The following PTPRJ variants were observed in gnomAD, a reference collection of about 807,000 sequenced individuals.
PTPRJ encodes the protein protein tyrosine phosphatase receptor type J.
Under a neutral mutation model 141.3 loss-of-function variants are expected in PTPRJ, and 129 were observed. The observed-to-expected ratio is 0.91, with a 90% CI of 0.79 to 1.06. The LOEUF (loss-of-function observed/expected upper bound fraction) is 1.06. Among genes scored for constraint, PTPRJ ranks in the 50% least tolerant of loss-of-function variants. The pLI, the probability that PTPRJ is intolerant of heterozygous loss-of-function variation, is 0.00. For missense variants in PTPRJ, 1,601 were observed against 1,679.7 expected (o/e 0.95, Z 0.82); for synonymous variants, 610 against 640.5 (o/e 0.95, Z 0.72).
intron 1 of PTPRJ, among the ~76,000 whole-genome samples, chr11:48,004,864 A>G (rs187468385): frequency 6.6e-6 from 1 of 152,264 alleles, no homozygotes; most frequent in East Asian, 1.9e-4. Flanking sequence ...TTTGATGGCA[A>G]TATAAAAATA....
chr11:48,095,705 C>T (rs1340110091), intron 1 of PTPRJ, among the ~76,000 whole-genome samples: 5 of 151,914 alleles, frequency 3.3e-5, no homozygotes, highest in African/African-American at 1.2e-4. Flanking sequence ...CTCAGCCTCC[C>T]TCGTAGCTGG....
intron 1 of PTPRJ, among the ~76,000 whole-genome samples, chr11:48,011,356 G>A (rs1435397259): frequency 6.6e-6 from 1 of 152,148 alleles, no homozygotes; most frequent in East Asian, 1.9e-4. Flanking sequence ...AGGTGGCCTG[G>A]GTTCTGTTTC....
chr11:48,075,575 G>T (rs1855377693), intron 1 of PTPRJ, among the ~76,000 whole-genome samples: 1 of 152,014 alleles, frequency 6.6e-6, no homozygotes, highest in African/African-American at 2.4e-5. Context: ...GTGCCACCAT[G>T]CCTGGCTAAT....
At chr11:48,049,940 TA>T in intron 1 of PTPRJ, among the ~76,000 whole-genome samples, 1 of 152,276 alleles carries the variant, frequency 6.6e-6, no homozygotes, top group East Asian at 1.9e-4. Context: ...GGAAAAATCA[TA>T]GTCTTAGATT....
chr11:48,167,439 GT>G lies in PTPRJ; in HGVS notation c.*82del. On this transcript the variant is annotated 3_prime_UTR_variant, in exon 25 of 25. Coordinates refer to ENST00000418331, the MANE Select transcript of PTPRJ (RefSeq NM_002843.4). The stretch of plus-strand genomic sequence containing the variant: ...AAGGCACATGCCCCGATGTCGACAT[GT>G]TTTTATATGTCTAATATCTTAATTC... The G allele has an allele frequency of 1.4e-6, 2 of 1,425,214 alleles. No homozygotes were observed. The highest frequency in any genetic ancestry group is 1.4e-5 in the African/African-American group (1 of 69,744). 88.3% of individuals were successfully genotyped at this position (1,425,214 alleles called of 1,614,324 possible).
At chr11:48,080,633 T>C (rs1306497372) in intron 1 of PTPRJ, among the ~76,000 whole-genome samples, 1 of 152,198 alleles carries the variant, frequency 6.6e-6, no homozygotes, top group African/African-American at 2.4e-5. Context: ...TGAGGACAGA[T>C]TGTATACCAT....
chr11:48,159,892 G>A (rs1385510220), intron 21 of PTPRJ, 38 bp from the exon 22 acceptor site: 5 of 1,611,460 alleles, frequency 3.1e-6, no homozygotes, highest in Non-Finnish European at 4.2e-6. Flanking sequence ...CAGATGGCAT[G>A]ATCTGAGTCT....
intron 22 of PTPRJ, among the ~76,000 whole-genome samples, chr11:48,162,779 G>A (rs1857819382): frequency 6.6e-6 from 1 of 152,144 alleles, no homozygotes; most frequent in Non-Finnish European, 1.5e-5. Flanking sequence ...GGCTTCTGGT[G>A]CTTCAAGGTA....
In PTPRJ at chr11:48,141,801, A is replaced by G. The variant is rs536950155; in HGVS notation, c.2444-1118A>G. ...AGGATACTAGCTTCTTACTCTAATG[A>G]TGGTTTCTTTTACTGTGCAAAACCT... On this transcript the variant is annotated intron_variant, in intron 11 of 24. Transcript: ENST00000418331. 1.3e-4 allele frequency among the ~76,000 whole-genome samples: 20 copies of G among 152,264 alleles called. 1 individual carries two copies. The East Asian group carries it at 3.3e-3, about 25-fold the overall frequency.
rs1858009773 is a variant in PTPRJ, at chr11:48,169,689, T to TA, written c.*2333dup. 6.6e-6 allele frequency: 1 copy of TA among 152,162 alleles called. No individual in the cohort carries two copies. Among genetic ancestry groups the TA allele is most frequent in the African/African-American group, 2.4e-5 (1 of 41,448 alleles). The allele number at this position is 152,162 out of a possible 1,614,324, so 9.4% of individuals were successfully genotyped here. Reference sequence around the variant, plus strand: ...GAAGTCAGAGGAAGGGACTTGTTGCTAAAAAATCCTTTAAAAGGTTAAATA... The same window carrying TA: ...GAAGTCAGAGGAAGGGACTTGTTGCTAAAAAAATCCTTTAAAAGGTTAAATA... On this transcript the variant is annotated 3_prime_UTR_variant, in exon 25 of 25. Coordinates refer to ENST00000418331, the MANE Select transcript of PTPRJ (RefSeq NM_002843.4).
Position 48,156,129 on chromosome 11 carries a change from T to G in PTPRJ, c.3438+10T>G. On this transcript the variant is annotated intron_variant, in intron 21 of 24. Transcript: ENST00000418331. ...TGTTGAACAGGGAAGAGTAAGTATCTTTTTTAGTTTTTAAAATTTAAAATT... is the reference window on the plus strand; with the variant it reads ...TGTTGAACAGGGAAGAGTAAGTATCGTTTTTAGTTTTTAAAATTTAAAATT... The G allele has an allele frequency of 1.3e-6, 2 of 1,549,084 alleles. No individual in the cohort carries two copies. Among genetic ancestry groups the G allele is most frequent in the Non-Finnish European group, 1.8e-6 (2 of 1,132,180 alleles).
intron 1 of PTPRJ, among the ~76,000 whole-genome samples, chr11:47,996,187 T>A (rs1176975583): frequency 6.6e-6 from 1 of 151,226 alleles, no homozygotes; most frequent in East Asian, 2.0e-4. Flanking sequence ...CAAAAAAAAT[T>A]AGCTGGGCAT....
Position 48,168,348 on chromosome 11 carries a change from G to A in PTPRJ, c.*986G>A, listed in dbSNP as rs1277648118. On this transcript the variant is annotated 3_prime_UTR_variant, in exon 25 of 25. Coordinates refer to ENST00000418331, the MANE Select transcript of PTPRJ (RefSeq NM_002843.4). Reference sequence around the variant, plus strand: ...GAATTAGTGATTCATGATGTTCTAGGTTTTTAGTAACGTTTTACTCAGGTT... The same window carrying A: ...GAATTAGTGATTCATGATGTTCTAGATTTTTAGTAACGTTTTACTCAGGTT... 1 of 151,350 alleles carries A rather than the reference G, an allele frequency of 6.6e-6. No individual in the cohort carries two copies. Among genetic ancestry groups the A allele is most frequent in the East Asian group, 1.9e-4 (1 of 5,162 alleles). The allele number at this position is 151,350 out of a possible 1,614,324, so 9.4% of individuals were successfully genotyped here. A position where few individuals can be genotyped will look rare whatever the true frequency, so the allele number is the denominator to read the frequency against.
intron 3 of PTPRJ, among the ~76,000 whole-genome samples, chr11:48,113,620 T>A (rs891131091): frequency 1.3e-5 from 2 of 152,176 alleles, no homozygotes. Flanking sequence ...AAAACTGTGG[T>A]TCAGAGATCT....
At chr11:48,154,921 T>C (rs1857565684) in intron 19 of PTPRJ, among the ~76,000 whole-genome samples, 1 of 152,062 alleles carries the variant, frequency 6.6e-6, no homozygotes, top group African/African-American at 2.4e-5. Context: ...TGGGTATTGT[T>C]CTTATTGGGA....
chr11:48,108,759 CT>C (rs974321823), intron 1 of PTPRJ, among the ~76,000 whole-genome samples: 1 of 152,088 alleles, frequency 6.6e-6, no homozygotes, highest in Admixed American at 6.5e-5. Flanking sequence ...GGAAGATGAG[CT>C]GAAAAAGGGT....
chr11:48,032,983 C>T (rs377543144), intron 1 of PTPRJ, among the ~76,000 whole-genome samples: 33 of 151,666 alleles, frequency 2.2e-4, no homozygotes, highest in African/African-American at 8.0e-4. Flanking sequence ...TTTGGGAAGC[C>T]GAGGTGGGGA....
intron 1 of PTPRJ, among the ~76,000 whole-genome samples, chr11:48,009,000 T>C (rs1854701748): frequency 6.6e-6 from 1 of 152,190 alleles, no homozygotes; most frequent in Non-Finnish European, 1.5e-5. Context: ...GATATTTCGT[T>C]GAAAGTCATT....
Position 48,153,779 on chromosome 11 carries a change from ATTTGT to A in PTPRJ, c.3139-8_3139-4del. 6.4e-7 allele frequency: 1 copy of A among 1,559,226 alleles called. No individual in the cohort carries two copies. The highest frequency in any genetic ancestry group is 8.8e-7 in the Non-Finnish European group (1 of 1,130,174). ...TGAAGACTAAATAAATGAACACCTC[ATTTGT>A]TTTGTTTTCAGGATCTGAAGCTTGT... On this transcript the variant is annotated splice_polypyrimidine_tract_variant and intron_variant, in intron 18 of 24. Coordinates refer to ENST00000418331, the MANE Select transcript of PTPRJ (RefSeq NM_002843.4).
Sources: allele counts gnomAD v4.1 joint callset (sites outside exome capture counted in the v4.1 genomes callset), GRCh38; gene constraint gnomAD v4.1.1; transcripts MANE v1.5; gene names NCBI Gene and HGNC (gene_info 2026-07-23, HGNC 2026-07-21).